Variants in LRP1B observed in about 807,000 individuals in gnomAD.
The protein encoded by LRP1B is low-density lipoprotein receptor-related protein 1B.
LRP1B carries 217 observed loss-of-function variants against 556.6 expected under a neutral mutation model. That is an observed-to-expected ratio of 0.39 (90% CI 0.35 to 0.44). The LOEUF (loss-of-function observed/expected upper bound fraction) is 0.44, where lower values mean the gene tolerates loss of function less well. Ranked by LOEUF, LRP1B falls within the 20% of genes least tolerant of loss-of-function variation. The pLI, the probability that LRP1B is intolerant of heterozygous loss-of-function variation, is 1.00. For synonymous variants in LRP1B, 2,047 were observed against 1,865.8 expected (o/e 1.10, Z -2.50); for missense variants, 5,053 against 5,620.8 (o/e 0.90, Z 3.23).
chr2:142,014,403 CTGAATCA>C (rs1703054297), intron 1 of LRP1B, among the ~76,000 whole-genome samples: 2 of 152,232 alleles, frequency 1.3e-5, no homozygotes, highest in African/African-American at 2.4e-5. Flanking sequence ...AAATGGACTA[CTGAATCA>C]TGAATCATGA....
At chr2:141,890,323 CAT>C (rs556472129) in intron 1 of LRP1B, among the ~76,000 whole-genome samples, 15,275 of 83,546 alleles carry the variant, frequency 0.18, 950 homozygotes, top group Non-Finnish European at 0.22. Context: ...GGGCACAATA[CAT>C]ATATATATAT....
chr2:140,959,494 G>C (rs16845023), intron 18 of LRP1B, among the ~76,000 whole-genome samples: 45,735 of 151,190 alleles, frequency 0.3, 7,163 homozygotes, highest in East Asian at 0.46. Context: ...AATGAATGTA[G>C]GTTTAATGTA....
chr2:141,808,385 A>G (rs1696230519), intron 2 of LRP1B, among the ~76,000 whole-genome samples: 1 of 152,092 alleles, frequency 6.6e-6, no homozygotes, highest in Admixed American at 6.6e-5. Flanking sequence ...CCTTGTAGCT[A>G]AAGAGGAGAG....
intron 11 of LRP1B, among the ~76,000 whole-genome samples, chr2:141,046,799 T>C (rs11696012): frequency 0.95 from 143,900 of 152,218 alleles, 68,065 homozygotes; most frequent in East Asian, 1. Context: ...GTGTCTGTGT[T>C]GGCCAGGCAT....
chr2:141,937,024 A>T (rs1574508332), intron 1 of LRP1B, among the ~76,000 whole-genome samples: 1 of 152,094 alleles, frequency 6.6e-6, no homozygotes, highest in East Asian at 1.9e-4. Context: ...ACTTAATTCA[A>T]AAAGCTCTTA....
intron 84 of LRP1B, among the ~76,000 whole-genome samples, chr2:140,283,202 C>G (rs1405345634): frequency 6.6e-6 from 1 of 151,516 alleles, no homozygotes; most frequent in Non-Finnish European, 1.5e-5. Flanking sequence ...AGAATTAAAT[C>G]AGGAGATAGA....
At chr2:141,173,947 TC>T (rs1680620835) in intron 7 of LRP1B, among the ~76,000 whole-genome samples, 1 of 152,084 alleles carries the variant, frequency 6.6e-6, no homozygotes, top group South Asian at 2.1e-4. Flanking sequence ...TTACACTATT[TC>T]AACTGACTTC....
rs34361933 is a variant in LRP1B at position 142,113,488 on chromosome 2, C to CAAAA, written c.82+17156_82+17159dup. Among the ~76,000 whole-genome samples, 938 of 146,578 alleles carry CAAAA rather than the reference C, an allele frequency of 6.4e-3. 7 individuals are homozygous for CAAAA. Among genetic ancestry groups the CAAAA allele is most frequent in the South Asian group, 0.048 (222 of 4,614 alleles). ...TTAGGAGTAACCTTTACAGTTGCCA[C>CAAAA]AAAAAAAAAAATGTAGCTTCAAAGT... is the stretch of plus-strand genomic sequence containing the variant. On this transcript the variant is annotated intron_variant, in intron 1 of 90. Coordinates refer to ENST00000389484, the MANE Select transcript of LRP1B (RefSeq NM_018557.3).
intron 20 of LRP1B, among the ~76,000 whole-genome samples, chr2:140,925,173 T>G (rs1471085143): frequency 6.6e-6 from 1 of 152,146 alleles, no homozygotes; most frequent in Non-Finnish European, 1.5e-5. Context: ...TTCTTGAATT[T>G]TGATATCTTC....
intron 7 of LRP1B, among the ~76,000 whole-genome samples, chr2:141,079,305 G>A (rs553758648): frequency 6.3e-4 from 96 of 152,256 alleles, no homozygotes; most frequent in Non-Finnish European, 1.2e-3. Flanking sequence ...ACAAATGACA[G>A]CAATAACAAC....
At chr2:141,319,963 C>T (rs111238801) in intron 3 of LRP1B, among the ~76,000 whole-genome samples, 2,044 of 152,112 alleles carry the variant, frequency 0.013, 27 homozygotes, top group Non-Finnish European at 0.02. Flanking sequence ...GCTTCTCAAA[C>T]CTTAATGCTC....
chr2:140,680,596 T>C (rs1276259773), intron 41 of LRP1B, among the ~76,000 whole-genome samples: 1 of 152,230 alleles, frequency 6.6e-6, no homozygotes, highest in Non-Finnish European at 1.5e-5. Flanking sequence ...TCCTCATTAA[T>C]TGATGCTATT....
intron 66 of LRP1B, among the ~76,000 whole-genome samples, chr2:140,428,278 C>T (rs1015689182): frequency 4.6e-5 from 7 of 152,190 alleles, no homozygotes; most frequent in Non-Finnish European, 1.0e-4. Context: ...CAAGTAGCAA[C>T]ATATTTCTGA....
At position 140,976,237 on chromosome 2, in the gene LRP1B, T is replaced by G. The variant is rs376117088; in HGVS notation, c.2887+5923A>C. On this transcript the variant is annotated intron_variant, in intron 18 of 90. Transcript: ENST00000389484. ...GCCCGCCTACTCTTCTCTTCCTCTC[T>G]TCTTCTCTCTTCTCCTCTCCTGTCC... is the stretch of plus-strand genomic sequence containing the variant. Among the ~76,000 whole-genome samples, 5 of 151,818 alleles carry G rather than the reference T, an allele frequency of 3.3e-5. No individual in the cohort carries two copies. The East Asian group carries it at 9.7e-4, about 29-fold the overall frequency.
At chr2:140,964,649 T>A (rs1167932364) in intron 18 of LRP1B, among the ~76,000 whole-genome samples, 2 of 151,190 alleles carry the variant, frequency 1.3e-5, no homozygotes, top group Non-Finnish European at 2.9e-5. Context: ...TCCTAGGCTA[T>A]GATTATTGAG....
At chr2:141,965,752 AAAAT>A (rs1426486705) in intron 1 of LRP1B, among the ~76,000 whole-genome samples, 3 of 128,180 alleles carry the variant, frequency 2.3e-5, no homozygotes, top group East Asian at 2.7e-4. Context: ...AGAATTAAAA[AAAAT>A]AATAATAATA....
chr2:140,565,157 G>A (rs895981722), intron 43 of LRP1B, among the ~76,000 whole-genome samples: 12 of 135,606 alleles, frequency 8.8e-5, no homozygotes, highest in South Asian at 4.8e-4. Flanking sequence ...TGTTTATTAC[G>A]TAATAATATA....
Position 141,096,627 on chromosome 2 carries a change from GGGGAGAGAGAGAGAGAGA to G in LRP1B, c.1014-34372_1014-34355del, listed in dbSNP as rs1158481431. On this transcript the variant is annotated intron_variant, in intron 7 of 90. Transcript: ENST00000389484. ...GCCTGAATGACAAAGACGGGGAGAG[GGGGAGAGAGAGAGAGAGA>G]GAGAGAGAGAGAGAGAGAGAGAGAG... Among the ~76,000 whole-genome samples, 199 of 50,542 alleles carry G rather than the reference GGGGAGAGAGAGAGAGAGA, an allele frequency of 3.9e-3. 2 individuals are homozygous for G. Among genetic ancestry groups the G allele is most frequent in the Middle Eastern group, 0.014 (1 of 72 alleles). 33.2% of individuals were successfully genotyped at this position (50,542 alleles called of 152,430 possible). A position where few individuals can be genotyped will look rare whatever the true frequency, so the allele number is the denominator to read the frequency against.
chr2:140,411,612 C>T (rs528488865), intron 66 of LRP1B, among the ~76,000 whole-genome samples: 3 of 151,976 alleles, frequency 2.0e-5, no homozygotes, highest in South Asian at 2.1e-4. Context: ...GTGACAAAAC[C>T]GCAATTAGGC....
Sources: allele counts gnomAD v4.1 joint callset (sites outside exome capture counted in the v4.1 genomes callset), GRCh38; gene constraint gnomAD v4.1.1; transcripts MANE v1.5; gene names NCBI Gene and HGNC (gene_info 2026-07-23, HGNC 2026-07-21).